The following ATP10A variants were observed in gnomAD, a reference collection of about 807,000 sequenced individuals.
ATP10A encodes the protein ATPase phospholipid transporting 10A (putative).
A neutral mutation model predicts 147.8 loss-of-function variants in ATP10A; 111 were observed. The observed-to-expected ratio is 0.75, with a 90% CI of 0.64 to 0.88. ATP10A has a LOEUF of 0.88. Ranked by LOEUF, ATP10A falls within the 40% of genes least tolerant of loss-of-function variation. The probability of loss-of-function intolerance (pLI) is 0.00; values close to 1 mark genes in which losing one functional copy is unlikely to be tolerated. For missense variants in ATP10A, 1,927 were observed against 1,959.0 expected, an observed-to-expected ratio of 0.98 and a Z score of 0.31; for synonymous variants, 875 against 841.6, an observed-to-expected ratio of 1.04 and a Z score of -0.69.
At chr15:25,751,065 A>AG (rs1888132390) in intron 2 of ATP10A, among the ~76,000 whole-genome samples, 1 of 152,122 alleles carries the variant, frequency 6.6e-6, no homozygotes, top group Non-Finnish European at 1.5e-5. Context: ...AAAATTAGCA[A>AG]AAGACTCAAT....
chr15:25,840,263 G>A (rs1168283004), intron 1 of ATP10A, among the ~76,000 whole-genome samples: 1 of 151,918 alleles, frequency 6.6e-6, no homozygotes, highest in Non-Finnish European at 1.5e-5. Context: ...TCACGTTATA[G>A]GGGTTTGTGT....
At chr15:25,785,101 C>T (rs1037472943) in intron 1 of ATP10A, among the ~76,000 whole-genome samples, 2 of 152,016 alleles carry the variant, frequency 1.3e-5, no homozygotes, top group Admixed American at 6.6e-5. Flanking sequence ...TGCAACCACT[C>T]CAGCTGGAGC....
chr15:25,674,009 A>T (rs1448784358), downstream of ATP10A, among the ~76,000 whole-genome samples: 1 of 152,166 alleles, frequency 6.6e-6, no homozygotes, highest in Non-Finnish European at 1.5e-5. Context: ...GTGATGGGAG[A>T]CAAGGAGGTT....
At chr15:25,768,683 A>ATTTTTTT (rs143608940) in intron 2 of ATP10A, among the ~76,000 whole-genome samples, 4 of 89,648 alleles carry the variant, frequency 4.5e-5, no homozygotes, top group Non-Finnish European at 6.3e-5. Context: ...AGCTGGGCTA[A>ATTTTTTT]TTTTTTTTTT....
chr15:25,723,515 G>C (rs1030507041), intron 6 of ATP10A, among the ~76,000 whole-genome samples: 2 of 151,758 alleles, frequency 1.3e-5, no homozygotes, highest in African/African-American at 4.8e-5. Flanking sequence ...TTTTATTTTG[G>C]AGTAATTTTA....
At chr15:25,846,171 A>T (rs1222220742) in intron 1 of ATP10A, among the ~76,000 whole-genome samples, 1 of 152,048 alleles carries the variant, frequency 6.6e-6, no homozygotes, top group Non-Finnish European at 1.5e-5. Flanking sequence ...AGGGGGAGTT[A>T]GTGTTTCACG....
At chr15:25,730,033 G>A (rs1202856669) in intron 3 of ATP10A, among the ~76,000 whole-genome samples, 2 of 151,730 alleles carry the variant, frequency 1.3e-5, no homozygotes, top group Non-Finnish European at 2.9e-5. Context: ...GCTCACACCT[G>A]TAATCCCAGC....
intron 1 of ATP10A, among the ~76,000 whole-genome samples, chr15:25,785,977 A>G (rs942739125): frequency 2.6e-5 from 4 of 152,246 alleles, no homozygotes; most frequent in Non-Finnish European, 4.4e-5. Context: ...AGCTTTGAAG[A>G]CAGGCAGATG....
intron 9 of ATP10A, among the ~76,000 whole-genome samples, chr15:25,715,540 G>C (rs1034446075): frequency 6.6e-6 from 1 of 152,242 alleles, no homozygotes; most frequent in African/African-American, 2.4e-5. Flanking sequence ...TTCCTGCAGG[G>C]ATATACACCA....
intron 1 of ATP10A, among the ~76,000 whole-genome samples, chr15:25,839,688 C>T (rs1258369258): frequency 6.6e-6 from 1 of 152,170 alleles, no homozygotes; most frequent in Non-Finnish European, 1.5e-5. Flanking sequence ...TCTTCTTATG[C>T]TGACTCCTTA....
chr15:25,711,436 T>A (rs1308058450), intron 10 of ATP10A, among the ~76,000 whole-genome samples: 1 of 152,114 alleles, frequency 6.6e-6, no homozygotes, highest in Non-Finnish European at 1.5e-5. Flanking sequence ...GATCTGTGCA[T>A]AAGGGCAGGC....
At chr15:25,680,071 C>T (rs764241498) in intron 20 of ATP10A, 50 bp downstream of exon 20, 3 of 1,596,524 alleles carry the variant, frequency 1.9e-6, no homozygotes, top group Non-Finnish European at 2.6e-6. Flanking sequence ...ATGCCAATGT[C>T]GTCTGGGCTC....
downstream of ATP10A, among the ~76,000 whole-genome samples, chr15:25,673,482 C>T (rs1899080981): frequency 6.6e-6 from 1 of 152,226 alleles, no homozygotes; most frequent in Admixed American, 6.5e-5. Context: ...TTTCAAACTA[C>T]TCTAATGTGT....
In ATP10A at chr15:25,686,202, G is replaced by T. The variant is rs139260784; in HGVS notation, c.3291+1501C>A. On this transcript the variant is annotated intron_variant, in intron 16 of 20. Transcript: ENST00000555815. Reference sequence around the variant, plus strand: ...GAAGACGCTCCGAAAAATGAAGGGGGTGAGTGTGAAGGGGAAAGAGAGGTT... The same window carrying T: ...GAAGACGCTCCGAAAAATGAAGGGGTTGAGTGTGAAGGGGAAAGAGAGGTT... Among the ~76,000 whole-genome samples the T allele has an allele frequency of 7.4e-4, 113 of 152,312 alleles. No homozygotes were observed. In the East Asian group the frequency reaches 0.02, roughly 27 times the overall value.
At chr15:25,745,689 G>A (rs574499762) in intron 2 of ATP10A, among the ~76,000 whole-genome samples, 1 of 152,316 alleles carries the variant, frequency 6.6e-6, no homozygotes, top group Non-Finnish European at 1.5e-5. Flanking sequence ...AAATAATAAT[G>A]TCTTTGGCAA....
intron 19 of ATP10A, 113 bp downstream of exon 19, chr15:25,680,697 T>C: frequency 2.0e-6 from 2 of 976,206 alleles, no homozygotes; most frequent in Non-Finnish European, 3.2e-6. Context: ...AGGTCAGCTT[T>C]GCAGTCTCCT....
chr15:25,860,348 C>A (rs1242473062), intron 1 of ATP10A, among the ~76,000 whole-genome samples: 4 of 152,182 alleles, frequency 2.6e-5, no homozygotes, highest in Non-Finnish European at 5.9e-5. Context: ...AGCCTGCATC[C>A]CGGGGCTGGG....
chr15:25,781,291 A>T, intron 1 of ATP10A, 68 bp from the exon 2 acceptor site: 1 of 1,336,390 alleles, frequency 7.5e-7, no homozygotes, highest in Non-Finnish European at 1.0e-6. Flanking sequence ...GGTGATGGGC[A>T]CGTGGGGCTC....
chr15:25,862,295 G>C (rs192857257), intron 1 of ATP10A: 11 of 510,902 alleles, frequency 2.2e-5, no homozygotes, highest in Middle Eastern at 2.9e-4. Flanking sequence ...AGGCCAGGGG[G>C]CCAGGCTGGC....
Sources: gnomAD v4.1 joint callset for allele counts (sites outside exome capture counted in the v4.1 genomes callset) on GRCh38, gnomAD v4.1.1 for gene constraint, MANE v1.5 for transcripts, NCBI Gene and HGNC (gene_info 2026-07-23, HGNC 2026-07-21) for gene names.